The following MYOF variants were observed in gnomAD, a reference collection of about 807,000 sequenced individuals.
MYOF encodes the protein fer-1-like 3, myoferlin.
A neutral mutation model predicts 284.2 loss-of-function variants in MYOF; 244 were observed. The observed-to-expected ratio is 0.86, with a 90% CI of 0.77 to 0.95. The LOEUF (loss-of-function observed/expected upper bound fraction) is 0.95. Ranked by LOEUF, MYOF falls within the 40% of genes least tolerant of loss-of-function variation. The pLI is 0.00. For synonymous variants in MYOF, 904 were observed against 919.7 expected (o/e 0.98, Z 0.31); for missense variants, 2,496 against 2,560.6 (o/e 0.97, Z 0.54).
intron 1 of MYOF, chr10:93,478,185 C>G (rs1349205551): frequency 3.1e-6 from 1 of 322,654 alleles, no homozygotes; most frequent in Non-Finnish European, 6.3e-6. Context: ...ACAACCTGTT[C>G]TGTTTGGAGG....
intron 45 of MYOF, among the ~76,000 whole-genome samples, chr10:93,327,235 G>A (rs979861371): frequency 2.0e-5 from 3 of 152,058 alleles, no homozygotes; most frequent in Admixed American, 2.0e-4. Flanking sequence ...ACAACTGCCA[G>A]CTGTGTGTGT....
chr10:93,478,860 G>GAAAGAAAGAAAGAAA (rs1421937106), intron 1 of MYOF, among the ~76,000 whole-genome samples: 40 of 145,810 alleles, frequency 2.7e-4, no homozygotes, highest in Non-Finnish European at 3.6e-4. Context: ...AAGAAAGAAA[G>GAAAGAAAGAAAGAAA]GGTTTGAACA....
intron 1 of MYOF, among the ~76,000 whole-genome samples, chr10:93,469,028 CT>C (rs2057075922): frequency 2.0e-5 from 3 of 152,198 alleles, no homozygotes; most frequent in Admixed American, 6.5e-5. Flanking sequence ...ATATCTGAGT[CT>C]AAATATCTTC....
chr10:93,318,697 GT>G (rs1842725690), intron 49 of MYOF, among the ~76,000 whole-genome samples: 1 of 152,140 alleles, frequency 6.6e-6, no homozygotes, highest in Non-Finnish European at 1.5e-5. Flanking sequence ...GGCAGAGGTT[GT>G]GGTGAGCTGA....
Position 93,381,244 on chromosome 10 carries a change from AGTT to A in MYOF, c.1848_1850del (p.Thr617del), listed in dbSNP as rs1846097997. 1 of 1,614,102 alleles carries A rather than the reference AGTT, an allele frequency of 6.2e-7. No individual in the cohort carries two copies. On this transcript the variant is annotated inframe_deletion, in exon 20 of 54. Coordinates refer to ENST00000359263, the MANE Select transcript of MYOF (RefSeq NM_013451.4). ...CATCAAATACAGCACGGCTGTACTGAGTTGTTGATGCCAAAGGCTTACAGGTGG... is the reference window on the plus strand; with the variant it reads ...CATCAAATACAGCACGGCTGTACTGAGTTGATGCCAAAGGCTTACAGGTGG...
chr10:93,362,244 G>A (rs1400567678), intron 27 of MYOF, among the ~76,000 whole-genome samples: 2 of 139,526 alleles, frequency 1.4e-5, no homozygotes, highest in African/African-American at 5.0e-5. Flanking sequence ...AACCACACCT[G>A]GCCTGTTTTT....
In MYOF at chr10:93,381,509, CAG is replaced by C. The variant is rs560623587; in HGVS notation, c.1699-115_1699-114del. 954 of 1,111,864 alleles carry C rather than the reference CAG, an allele frequency of 8.6e-4. 1 individual carries two copies. The highest frequency in any genetic ancestry group is 1.0e-3 in the Non-Finnish European group (772 of 774,912). 68.9% of individuals were successfully genotyped at this position (1,111,864 alleles called of 1,614,324 possible). A position where few individuals can be genotyped will look rare whatever the true frequency, so the allele number is the denominator to read the frequency against. On this transcript the variant is annotated intron_variant, in intron 19 of 53. Coordinates refer to ENST00000359263, the MANE Select transcript of MYOF (RefSeq NM_013451.4). ...TAATAATTAGTGCTGAATTAAATGACAGGGGAGAATGTTCTTGGACCCAGCTG... is the reference window on the plus strand; with the variant it reads ...TAATAATTAGTGCTGAATTAAATGACGGGAGAATGTTCTTGGACCCAGCTG...
At chr10:93,313,576 T>C (rs1463667543) in intron 50 of MYOF, among the ~76,000 whole-genome samples, 2 of 152,156 alleles carry the variant, frequency 1.3e-5, no homozygotes, top group African/African-American at 4.8e-5. Context: ...AGAGGTCATT[T>C]GGCTTTGGGT....
chr10:93,470,761 G>A (rs892386946), intron 1 of MYOF, among the ~76,000 whole-genome samples: 3 of 152,252 alleles, frequency 2.0e-5, no homozygotes, highest in African/African-American at 7.2e-5. Context: ...AGCTGCATGT[G>A]GGCAGGGCCA....
chr10:93,466,988 G>A (rs1445096596), intron 1 of MYOF, among the ~76,000 whole-genome samples: 1 of 148,696 alleles, frequency 6.7e-6, no homozygotes. Flanking sequence ...AAACAAACAA[G>A]CAAACAAACA....
intron 29 of MYOF, among the ~76,000 whole-genome samples, chr10:93,358,058 A>G (rs1472818397): frequency 6.6e-6 from 1 of 152,246 alleles, no homozygotes; most frequent in Non-Finnish European, 1.5e-5. Flanking sequence ...TATCCATCTG[A>G]CAAAGGTCTA....
chr10:93,364,152 A>T (rs1029557464), intron 26 of MYOF, 77 bp from the exon 27 acceptor site: 1 of 1,215,658 alleles, frequency 8.2e-7, no homozygotes, highest in Admixed American at 1.7e-5. Flanking sequence ...ACACTCAGGA[A>T]GCATCTACAC....
chr10:93,352,801 G>T (rs1436394950), intron 32 of MYOF, among the ~76,000 whole-genome samples: 3 of 152,220 alleles, frequency 2.0e-5, no homozygotes, highest in Non-Finnish European at 4.4e-5. Context: ...TTGGAAAGAT[G>T]TTTTTTTAAC....
intron 1 of MYOF, among the ~76,000 whole-genome samples, chr10:93,475,787 C>T (rs2057246322): frequency 6.6e-6 from 1 of 152,128 alleles, no homozygotes; most frequent in African/African-American, 2.4e-5. Flanking sequence ...TACCAGCACC[C>T]CTAAGCTGAG....
Position 93,364,088 on chromosome 10 carries a change from G to A in MYOF, c.2754-13C>T, listed in dbSNP as rs777343227. ...CTCAGTCAGCAAGCTGTGGGGCGGG[G>A]AGGGCTCAAGTTACCCAAGGAGACC... is the stretch of plus-strand genomic sequence containing the variant. On this transcript the variant is annotated splice_polypyrimidine_tract_variant and intron_variant, in intron 26 of 53. Coordinates refer to ENST00000359263, the MANE Select transcript of MYOF (RefSeq NM_013451.4). 1.2e-6 allele frequency: 2 copies of A among 1,611,494 alleles called. No individual in the cohort carries two copies. Among genetic ancestry groups the A allele is most frequent in the African/African-American group, 1.3e-5 (1 of 74,894 alleles).
At chr10:93,376,919 G>C (rs1488581489) in intron 22 of MYOF, among the ~76,000 whole-genome samples, 2 of 152,186 alleles carry the variant, frequency 1.3e-5, no homozygotes, top group African/African-American at 4.8e-5. Context: ...ATATTGTTCT[G>C]AATGGTAAAA....
At chr10:93,426,821 C>T (rs1455825365) in intron 4 of MYOF, among the ~76,000 whole-genome samples, 2 of 148,212 alleles carry the variant, frequency 1.3e-5, no homozygotes, top group Non-Finnish European at 3.0e-5. Context: ...CTGAAGGGGG[C>T]GGAGGTTGCA....
chr10:93,443,864 T>C (rs1403687649), intron 3 of MYOF, among the ~76,000 whole-genome samples: 1 of 152,200 alleles, frequency 6.6e-6, no homozygotes, highest in Non-Finnish European at 1.5e-5. Flanking sequence ...TTCTGAGGCC[T>C]GGAGAGGGTA....
chr10:93,400,536 A>G (rs1175305135), intron 12 of MYOF, among the ~76,000 whole-genome samples: 1 of 151,994 alleles, frequency 6.6e-6, no homozygotes, highest in Non-Finnish European at 1.5e-5. Flanking sequence ...AGACCATAGG[A>G]TCTTAAAAGA....
Sources: allele counts gnomAD v4.1 joint callset (sites outside exome capture counted in the v4.1 genomes callset), GRCh38; gene constraint gnomAD v4.1.1; transcripts MANE v1.5; gene names NCBI Gene and HGNC (gene_info 2026-07-23, HGNC 2026-07-21).